Variants in ANKRD17 observed in about 807,000 individuals in gnomAD.
ANKRD17 encodes ankyrin repeat domain 17, also known as ankyrin repeat domain-containing protein 17.
Under a neutral mutation model 229.7 loss-of-function variants are expected in ANKRD17, and 19 were observed. The ratio of observed to expected loss-of-function variants is 0.08; its 90% CI spans 0.06 to 0.12. The LOEUF (loss-of-function observed/expected upper bound fraction) is 0.12. Among genes scored for constraint, ANKRD17 ranks in the 10% least tolerant of loss-of-function variants. The probability of loss-of-function intolerance (pLI) is 1.00; values close to 1 mark genes in which losing one functional copy is unlikely to be tolerated. For synonymous variants in ANKRD17, 1,112 were observed against 1,146.1 expected, an observed-to-expected ratio of 0.97 and a Z score of 0.60; for missense variants, 2,176 against 3,176.8, an observed-to-expected ratio of 0.68 and a Z score of 7.57.
Position 73,098,210 on chromosome 4 carries a change from G to A in ANKRD17, c.4884C>T (p.Asn1628=), listed in dbSNP as rs1378885842. 1.2e-6 allele frequency: 2 copies of A among 1,614,190 alleles called. No individual in the cohort carries two copies. Among genetic ancestry groups the A allele is most frequent in the East Asian group, 2.2e-5 (1 of 44,890 alleles). ...RISSCSDESS[N]SNSSRKSDNH... ...TGTCACTCTTACGACTGCTGTTGCT[G>A]TTACTACTTTCATCGCTGCAGCTGG... The change falls in exon 26 of 34, where the codon AAC becomes AAT. Residue 1628 remains asparagine (N), a synonymous_variant. Transcript: ENST00000358602.
At chr4:73,199,423 T>C (rs1470803576) in intron 1 of ANKRD17, among the ~76,000 whole-genome samples, 1 of 152,084 alleles carries the variant, frequency 6.6e-6, no homozygotes, top group East Asian at 1.9e-4. Context: ...TTCCCATTAC[T>C]TTATATAGAG....
chr4:73,219,848 A>G (rs906129033), intron 1 of ANKRD17, among the ~76,000 whole-genome samples: 1 of 152,168 alleles, frequency 6.6e-6, no homozygotes, highest in Non-Finnish European at 1.5e-5. Flanking sequence ...AAGCAAAAAT[A>G]TATCAAATAC....
At chr4:73,106,467 G>A (rs1724633383) in intron 24 of ANKRD17, among the ~76,000 whole-genome samples, 1 of 152,134 alleles carries the variant, frequency 6.6e-6, no homozygotes, top group Non-Finnish European at 1.5e-5. Context: ...GCAAACCATA[G>A]TGAAAGATGA....
chr4:73,077,186 T>G (rs1171628738), intron 32 of ANKRD17, 82 bp from the exon 33 acceptor site: 1 of 1,414,226 alleles, frequency 7.1e-7, no homozygotes, highest in African/African-American at 1.5e-5. Context: ...AAAATTGATA[T>G]TTGAAAGTTC....
At chr4:73,087,394 T>C (rs895467009) in intron 29 of ANKRD17, among the ~76,000 whole-genome samples, 2 of 152,158 alleles carry the variant, frequency 1.3e-5, no homozygotes, top group African/African-American at 4.8e-5. Flanking sequence ...CAATCTGTCA[T>C]TGATAAAATG....
intron 2 of ANKRD17, among the ~76,000 whole-genome samples, chr4:73,173,664 C>G (rs1734336177): frequency 1.3e-5 from 2 of 152,292 alleles, no homozygotes; most frequent in South Asian, 4.1e-4. Context: ...AAACCTGTCT[C>G]CAAACACACA....
In ANKRD17 at chr4:73,156,164, C is replaced by T; in HGVS notation, c.707G>A (p.Arg236His). 4 of 1,587,874 alleles carry T rather than the reference C, an allele frequency of 2.5e-6. No individual in the cohort carries two copies. The highest frequency in any genetic ancestry group is 3.4e-6 in the Non-Finnish European group (4 of 1,172,834). Residue 236 changes from arginine to histidine, a missense_variant and splice_region_variant, in exon 4 of 34, where the codon CGC becomes CAC. Around this residue, in one of 18 missense-constraint regions of ANKRD17, gnomAD observed 184 missense variants for 357.8 expected, o/e 0.51. Transcript: ENST00000358602. ...TTCTGAACAGGCTTCTGCCAAACTG[C>T]GGCTATTACGGAAAGAATATCACAA... ...STANAGQSDN[R>H]SLAEACSEGD...
At chr4:73,150,908 T>G (rs932202505) in intron 7 of ANKRD17, among the ~76,000 whole-genome samples, 2 of 152,166 alleles carry the variant, frequency 1.3e-5, no homozygotes, top group Non-Finnish European at 2.9e-5. Context: ...AGAGGGGAAA[T>G]TATGTAACAT....
chr4:73,139,462 A>C (rs1352884318), intron 15 of ANKRD17, 69 bp downstream of exon 15: 3 of 1,520,748 alleles, frequency 2.0e-6, no homozygotes, highest in South Asian at 1.3e-5. Context: ...ACGGCAAAAA[A>C]TTTGGGTACA....
chr4:73,232,417 G>A (rs530452374), intron 1 of ANKRD17, among the ~76,000 whole-genome samples: 21 of 152,142 alleles, frequency 1.4e-4, no homozygotes, highest in African/African-American at 5.1e-4. Flanking sequence ...CCAATTTTTT[G>A]TACTTCCGAA....
At chr4:73,217,983 A>ATG (rs1271830911) in intron 1 of ANKRD17, among the ~76,000 whole-genome samples, 4 of 152,276 alleles carry the variant, frequency 2.6e-5, no homozygotes, top group African/African-American at 7.2e-5. Flanking sequence ...GTGTATGAGT[A>ATG]TGTGTGTGTA....
At chr4:73,197,257 A>G (rs952533912) in intron 1 of ANKRD17, among the ~76,000 whole-genome samples, 1 of 152,222 alleles carries the variant, frequency 6.6e-6, no homozygotes, top group Non-Finnish European at 1.5e-5. Context: ...TACTGTCTGC[A>G]TTATGAAAAT....
At chr4:73,234,422 T>C (rs1187815203) in intron 1 of ANKRD17, among the ~76,000 whole-genome samples, 2 of 152,252 alleles carry the variant, frequency 1.3e-5, no homozygotes, top group African/African-American at 2.4e-5. Context: ...ATTTTAATCT[T>C]CTTTCATCCT....
intron 2 of ANKRD17, among the ~76,000 whole-genome samples, chr4:73,173,930 A>G (rs1734373202): frequency 6.6e-6 from 1 of 152,106 alleles, no homozygotes; most frequent in Non-Finnish European, 1.5e-5. Context: ...GAATTTCATA[A>G]TAATTTCAAC....
chr4:73,102,627 A>G, intron 24 of ANKRD17, 80 bp from the exon 25 acceptor site: 4 of 1,481,992 alleles, frequency 2.7e-6, no homozygotes, highest in Non-Finnish European at 3.6e-6. Context: ...ATTTAATCAT[A>G]AGGAAACCAT....
chr4:73,247,789 C>A (rs1312854868), intron 1 of ANKRD17, among the ~76,000 whole-genome samples: 2 of 151,878 alleles, frequency 1.3e-5, no homozygotes, highest in Non-Finnish European at 2.9e-5. Flanking sequence ...AAAATTTCAG[C>A]AAGCAAAATT....
intron 2 of ANKRD17, among the ~76,000 whole-genome samples, chr4:73,162,858 T>C (rs1011409592): frequency 1.3e-5 from 2 of 151,762 alleles, no homozygotes; most frequent in African/African-American, 4.8e-5. Context: ...TTGTTTTGTT[T>C]TTGTTTTTGT....
chr4:73,186,979 T>C (rs200270291), intron 1 of ANKRD17, among the ~76,000 whole-genome samples: 2 of 137,466 alleles, frequency 1.5e-5, no homozygotes, highest in African/African-American at 3.0e-5. Context: ...CACACACACA[T>C]ATATACACAC....
Position 73,258,580 on chromosome 4 carries a change from G to A in ANKRD17, c.89C>T (p.Pro30Leu). 1 of 1,467,238 alleles carries A rather than the reference G, an allele frequency of 6.8e-7. No homozygotes were observed. The highest frequency in any genetic ancestry group is 8.9e-7 in the Non-Finnish European group (1 of 1,121,172). 90.9% of individuals were successfully genotyped at this position (1,467,238 alleles called of 1,614,324 possible). Residue 30 changes from proline to leucine, a missense_variant, in exon 1 of 34, where the codon CCC (proline) becomes CTC (leucine). Transcript: ENST00000358602. ...GCCGCCGCCGACCTCCGCCGCCGCG[G>A]GGGGGCCCGCCACAGCCGCCACCGC... is the stretch of plus-strand genomic sequence containing the variant. ...PPAVAAVAGP[P>L]AAAEVGGGVG...
Sources: gnomAD v4.1 joint callset for allele counts (sites outside exome capture counted in the v4.1 genomes callset) on GRCh38, gnomAD v4.1.1 for gene constraint, gnomAD v4.1.1 regional missense constraint, MANE v1.5 for transcripts, NCBI Gene and HGNC (gene_info 2026-07-23, HGNC 2026-07-21) for gene names.